PTPRQ: variants seen among roughly 807,000 people sequenced by gnomAD.
PTPRQ encodes protein tyrosine phosphatase receptor type Q, also known as phosphatidylinositol phosphatase PTPRQ.
In PTPRQ, 199 loss-of-function variants were observed where a neutral mutation model predicts 246.0. That is an observed-to-expected ratio of 0.81 (90% confidence interval 0.72 to 0.91). PTPRQ has a LOEUF of 0.91. Ranked by LOEUF, PTPRQ falls within the 40% of genes least tolerant of loss-of-function variation. The pLI is 0.00. For missense variants in PTPRQ, 2,624 were observed against 2,528.4 expected (o/e 1.04, Z -0.81); for synonymous variants, 869 against 853.2 (o/e 1.02, Z -0.32).
chr12:80,654,702 A>G (rs1399968334), intron 38 of PTPRQ, among the ~76,000 whole-genome samples: 1 of 151,348 alleles, frequency 6.6e-6, no homozygotes, highest in Admixed American at 6.6e-5. Flanking sequence ...CCAAAAAAAA[A>G]AAAAAAAATT....
intron 9 of PTPRQ, among the ~76,000 whole-genome samples, chr12:80,486,488 T>C (rs1044300827): frequency 6.6e-6 from 1 of 152,090 alleles, no homozygotes; most frequent in African/African-American, 2.4e-5. Context: ...TGGCCCTGGG[T>C]TCTTGGCCTG....
intron 25 of PTPRQ, among the ~76,000 whole-genome samples, chr12:80,570,667 G>A (rs1319150763): frequency 6.6e-6 from 1 of 152,148 alleles, no homozygotes; most frequent in East Asian, 1.9e-4. Flanking sequence ...CCATGCCTAT[G>A]TCCTGAATGG....
intron 26 of PTPRQ, among the ~76,000 whole-genome samples, chr12:80,590,612 G>A (rs1897763679): frequency 7.1e-6 from 1 of 140,572 alleles, no homozygotes; most frequent in African/African-American, 2.7e-5. Flanking sequence ...AGCTTGCAGT[G>A]AGCCGAAATC....
intron 25 of PTPRQ, among the ~76,000 whole-genome samples, chr12:80,587,398 G>A (rs1706689127): frequency 6.6e-6 from 1 of 152,046 alleles, no homozygotes; most frequent in African/African-American, 2.4e-5. Flanking sequence ...TTAATTGATT[G>A]CTCTTTCTTA....
intron 39 of PTPRQ, among the ~76,000 whole-genome samples, chr12:80,660,290 T>G (rs1643540973): frequency 1.3e-5 from 2 of 152,050 alleles, no homozygotes; most frequent in South Asian, 4.1e-4. Flanking sequence ...GCATATGGTC[T>G]GAGGGATGTA....
intron 44 of PTPRQ, 27 bp from the exon 45 acceptor site, chr12:80,678,959 C>A (rs1475426079): frequency 6.5e-7 from 1 of 1,535,956 alleles, no homozygotes. Flanking sequence ...TCAACACTCT[C>A]TTGTAACATG....
Position 80,549,629 on chromosome 12 carries a change from A to G in PTPRQ, c.4180A>G (p.Ile1394Val). ...VSPQDHMYTF[I>V]KLLANTSYVF... Reference sequence around the variant, plus strand: ...TCCCCAAGATCACATGTACACTTTCATAAAGCTTCTTGCCAATACCTCATA... The same window carrying G: ...TCCCCAAGATCACATGTACACTTTCGTAAAGCTTCTTGCCAATACCTCATA... The change falls in exon 25 of 45, where the codon ATA (isoleucine) becomes GTA (valine). Residue 1394 changes from isoleucine to valine, a missense_variant. By Grantham distance (29) the Ile-to-Val change is conservative. Coordinates refer to ENST00000644991, the MANE Select transcript of PTPRQ (RefSeq NM_001145026.2). 6.4e-7 allele frequency: 1 copy of G among 1,551,248 alleles called. No individual in the cohort carries two copies. The highest frequency in any genetic ancestry group is 2.4e-5 in the East Asian group (1 of 40,912).
At chr12:80,545,259 A>G (rs1261482926) in intron 23 of PTPRQ, among the ~76,000 whole-genome samples, 3 of 152,124 alleles carry the variant, frequency 2.0e-5, no homozygotes. Context: ...ATCTAATGGC[A>G]TGTTTTGTAA....
intron 19 of PTPRQ, among the ~76,000 whole-genome samples, chr12:80,537,316 C>A (rs967966482): frequency 6.6e-6 from 1 of 152,114 alleles, no homozygotes; most frequent in Non-Finnish European, 1.5e-5. Context: ...TAAGTGTATA[C>A]CTTTTTATTT....
rs891943628 is a variant in PTPRQ, at chr12:80,679,924, G to C, written c.*901G>C. The C allele has an allele frequency of 6.6e-6, 1 of 151,774 alleles. No individual in the cohort carries two copies. The highest frequency in any genetic ancestry group is 1.9e-4 in the East Asian group (1 of 5,166). The allele number at this position is 151,774 out of a possible 1,614,324, so 9.4% of individuals were successfully genotyped here. A position where few individuals can be genotyped will look rare whatever the true frequency, so the allele number is the denominator to read the frequency against. Reference sequence around the variant, plus strand: ...CAAGCTTGTAAACCAATGATGTGCTGCTGTGGTGCCAACAGAGACTTCCAA... The same window carrying C: ...CAAGCTTGTAAACCAATGATGTGCTCCTGTGGTGCCAACAGAGACTTCCAA... On this transcript the variant is annotated 3_prime_UTR_variant, in exon 45 of 45. Coordinates refer to ENST00000644991, the MANE Select transcript of PTPRQ (RefSeq NM_001145026.2).
At chr12:80,654,693 CA>C (rs57224729) in intron 38 of PTPRQ, among the ~76,000 whole-genome samples, 5,069 of 112,020 alleles carry the variant, frequency 0.045, 213 homozygotes, top group African/African-American at 0.15. Flanking sequence ...ACTAAAAATC[CA>C]AAAAAAAAAA....
chr12:80,505,181 C>A (rs1424124798), intron 14 of PTPRQ, among the ~76,000 whole-genome samples: 1 of 151,872 alleles, frequency 6.6e-6, no homozygotes, highest in Non-Finnish European at 1.5e-5. Flanking sequence ...CAGGATTAAC[C>A]AATCTATGGC....
chr12:80,461,173 C>T (rs1893153793), intron 6 of PTPRQ, among the ~76,000 whole-genome samples: 1 of 152,104 alleles, frequency 6.6e-6, no homozygotes. Flanking sequence ...TTTATAATGT[C>T]AGCAATTTTT....
chr12:80,458,622 CTTGGTGT>C (rs1280777118), intron 4 of PTPRQ, among the ~76,000 whole-genome samples: 1 of 151,590 alleles, frequency 6.6e-6, no homozygotes, highest in African/African-American at 2.4e-5. Flanking sequence ...TCTGAAGGAT[CTTGGTGT>C]TTTACTCTAT....
In PTPRQ at chr12:80,495,304, T is replaced by G; in HGVS notation, c.1815T>G (p.Tyr605Ter). ...PNGKITHYTI[Y>*]AMELDTNRAF... Reference sequence around the variant, plus strand: ...GAAAAATAACTCACTATACGATTTATGCAATGGAATTGGATACAAACAGAG... The same window carrying G: ...GAAAAATAACTCACTATACGATTTAGGCAATGGAATTGGATACAAACAGAG... The change falls in exon 12 of 45, where the codon TAT (tyrosine) becomes TAG (stop). Residue 605 changes from tyrosine (Y) to a stop codon, truncating the protein, a stop_gained. Transcript: ENST00000644991. LOFTEE classifies it high-confidence loss of function. The G allele has an allele frequency of 6.5e-7, 1 of 1,545,756 alleles. No individual in the cohort carries two copies. Among genetic ancestry groups the G allele is most frequent in the Non-Finnish European group, 8.7e-7 (1 of 1,145,172 alleles).
At chr12:80,665,268 G>A (rs900481564) in intron 39 of PTPRQ, among the ~76,000 whole-genome samples, 1 of 151,876 alleles carries the variant, frequency 6.6e-6, no homozygotes, top group Non-Finnish European at 1.5e-5. Context: ...ATCTCCTTTG[G>A]CAATACCCTC....
chr12:80,578,053 T>A (rs1372678174), intron 25 of PTPRQ, among the ~76,000 whole-genome samples: 1 of 152,124 alleles, frequency 6.6e-6, no homozygotes, highest in African/African-American at 2.4e-5. Flanking sequence ...GGAAATTTTT[T>A]TTTTTGGATT....
At chr12:80,569,538 A>G (rs1359620059) in intron 25 of PTPRQ, among the ~76,000 whole-genome samples, 2 of 152,010 alleles carry the variant, frequency 1.3e-5, no homozygotes, top group South Asian at 2.1e-4. Flanking sequence ...TTACAGTATA[A>G]TAATAATAAA....
rs944892755 is a variant in PTPRQ at position 80,496,151 on chromosome 12, G to T, written c.1990+45G>T. 10 of 1,543,950 alleles carry T rather than the reference G, an allele frequency of 6.5e-6. No homozygotes were observed. The Admixed American group carries it at 1.4e-4, about 22-fold the overall frequency. ...CTTTAATTTTTTTAAAAAAGTGGTT[G>T]TAAATGCTCACTGCCTTCACTTCAT... On this transcript the variant is annotated intron_variant, in intron 13 of 44. Coordinates refer to ENST00000644991, the MANE Select transcript of PTPRQ (RefSeq NM_001145026.2).
Sources: gnomAD v4.1 joint callset for allele counts (sites outside exome capture counted in the v4.1 genomes callset) on GRCh38, gnomAD v4.1.1 for gene constraint, MANE v1.5 for transcripts, NCBI Gene and HGNC (gene_info 2026-07-23, HGNC 2026-07-21) for gene names.